Variants in ITFG2 observed in about 807,000 individuals in gnomAD.
The protein encoded by ITFG2 is KICSTOR complex protein ITFG2.
A neutral mutation model predicts 54.4 loss-of-function variants in ITFG2; 36 were observed. The observed-to-expected ratio is 0.66, with a 90% CI of 0.51 to 0.87. The LOEUF (loss-of-function observed/expected upper bound fraction) is 0.87, where lower values mean the gene tolerates loss of function less well. ITFG2 is among the 40% of genes least tolerant of loss of function. The pLI, the probability that ITFG2 is intolerant of heterozygous loss-of-function variation, is 0.00. For missense variants in ITFG2, 524 were observed against 576.7 expected (o/e 0.91, Z 0.94); for synonymous variants, 211 against 225.4 (o/e 0.94, Z 0.57).
Position 2,824,108 on chromosome 12 carries a change from T to G in ITFG2, c.1259T>G (p.Val420Gly). Reference sequence around the variant, plus strand: ...CTCTCAGATCCTGACGACCTCCCTGTGACTCGTGCCCTGCTTCACCAAACG... The same window carrying G: ...CTCTCAGATCCTGACGACCTCCCTGGGACTCGTGCCCTGCTTCACCAAACG... ...ELGVDPDDLP[V>G]TRALLHQTLY... The change falls in exon 12 of 12, where the codon GTG (valine) becomes GGG (glycine). Residue 420 changes from valine (V) to glycine (G), a missense_variant. By Grantham distance (109) the Val-to-Gly change is moderately radical. Transcript: ENST00000228799. 6.2e-7 allele frequency: 1 copy of G among 1,614,110 alleles called. No homozygotes were observed. The highest frequency in any genetic ancestry group is 8.5e-7 in the Non-Finnish European group (1 of 1,180,040).
chr12:2,859,702 C>G (rs372275159), exon 4 of ITFG2: 4 of 1,489,558 alleles, frequency 2.7e-6, no homozygotes, highest in Non-Finnish European at 3.6e-6. Flanking sequence ...CAACGGTCAC[C>G]AGACAGGACG....
Position 2,817,914 on chromosome 12 carries a change from T to A in ITFG2, c.198T>A (p.Thr66=). 2 of 1,613,892 alleles carry A rather than the reference T, an allele frequency of 1.2e-6. No individual in the cohort carries two copies. The highest frequency in any genetic ancestry group is 1.7e-6 in the Non-Finnish European group (2 of 1,179,900). ...CCTCCCTTTCTCTCTTACAGCTGAC[T>A]TGCGTTGGGGTTGGAGACGTGTGTA... ...WLTCSCQGML[T]CVGVGDVCNK... Residue 66 remains threonine, a synonymous_variant, in exon 3 of 12, where the codon ACT becomes ACA. Transcript: ENST00000228799.
chr12:2,821,232 C>T lies in ITFG2; in HGVS notation c.696-30C>T, dbSNP rs1376285534. On this transcript the variant is annotated intron_variant, in intron 6 of 11. Coordinates refer to ENST00000228799, the MANE Select transcript of ITFG2 (RefSeq NM_018463.4). ...TGGAGAGCTCAGCTCACTTGGTCTC[C>T]CGCTTGATCCGTCCACCTGCTGTGC... is the stretch of plus-strand genomic sequence containing the variant. 5.1e-6 allele frequency: 8 copies of T among 1,558,852 alleles called. No individual in the cohort carries two copies. In the South Asian group the frequency reaches 8.1e-5, roughly 16 times the overall value.
chr12:2,855,705 C>G (rs1171083338), intron 2 of ITFG2, among the ~76,000 whole-genome samples: 1 of 152,176 alleles, frequency 6.6e-6, no homozygotes, highest in Non-Finnish European at 1.5e-5. Context: ...TTCCCACCCT[C>G]TGTACTCAGC....
rs74054747 is a variant in ITFG2, at chr12:2,821,242, C to T, written c.696-20C>T. ...AGCTCACTTGGTCTCCCGCTTGATC[C>T]GTCCACCTGCTGTGCACAGGGAGAC... is the stretch of plus-strand genomic sequence containing the variant. On this transcript the variant is annotated intron_variant, in intron 6 of 11. Transcript: ENST00000228799. 4.2e-3 allele frequency: 6,587 copies of T among 1,580,136 alleles called. 179 individuals are homozygous for T. In the African/African-American group the frequency reaches 0.065, roughly 16 times the overall value.
At chr12:2,820,560 G>A (rs1007931158) in intron 5 of ITFG2, among the ~76,000 whole-genome samples, 164 bp from the exon 6 acceptor site, 17 of 151,990 alleles carry the variant, frequency 1.1e-4, no homozygotes, top group African/African-American at 3.9e-4. Context: ...CTGGAAACTC[G>A]AAATCCTTCC....
At chr12:2,835,567 T>C (rs2098025287), upstream of ITFG2, 1 of 152,364 alleles carries the variant, frequency 6.6e-6, no homozygotes, top group African/African-American at 2.4e-5. Flanking sequence ...TTCCAGGGAA[T>C]GACAGGAACA....
chr12:2,833,447 G>T (rs941072189), upstream of ITFG2, among the ~76,000 whole-genome samples: 2 of 152,084 alleles, frequency 1.3e-5, no homozygotes, highest in Admixed American at 6.6e-5. Flanking sequence ...TGGTCCTGGT[G>T]GGGGCAACCC....
downstream of ITFG2, chr12:2,827,162 T>A: frequency 6.2e-7 from 1 of 1,613,298 alleles, no homozygotes; most frequent in Non-Finnish European, 8.5e-7. This position sits in a 1 kb window ranked among gnomAD's most constrained non-coding sequence, Gnocchi z 4.0. Flanking sequence ...ACGCCTCTTC[T>A]TCTAAGGCAA....
downstream of ITFG2, chr12:2,827,472 T>C (rs542999879): frequency 1.0e-6 from 1 of 985,448 alleles, no homozygotes; most frequent in South Asian, 4.7e-5. This position sits in a 1 kb window ranked among gnomAD's most constrained non-coding sequence, Gnocchi z 4.0. Flanking sequence ...TCTTGATTTT[T>C]CACTTGGTGG....
At chr12:2,859,382 G>T (rs1361729286) in intron 3 of ITFG2, 1 of 1,613,982 alleles carries the variant, frequency 6.2e-7, no homozygotes, top group Non-Finnish European at 8.5e-7. Context: ...GCCCACTGTA[G>T]GACTTCTTGG....
chr12:2,818,071 C>G (rs2097927898), intron 3 of ITFG2, 35 bp from the exon 4 acceptor site: 2 of 1,609,600 alleles, frequency 1.2e-6, no homozygotes, highest in African/African-American at 2.7e-5. Flanking sequence ...AACTCCCTCC[C>G]CAGTCCATCT....
upstream of ITFG2, among the ~76,000 whole-genome samples, chr12:2,833,806 A>G (rs536099639): frequency 1.3e-5 from 2 of 152,080 alleles, no homozygotes; most frequent in African/African-American, 2.4e-5. Flanking sequence ...AGCTCTAACA[A>G]CTCTCCCAAC....
At chr12:2,836,129 C>T (rs1208316350), upstream of ITFG2, among the ~76,000 whole-genome samples, 1 of 152,232 alleles carries the variant, frequency 6.6e-6, no homozygotes, top group East Asian at 1.9e-4. Context: ...CTAGAGTATA[C>T]ACCTACACCT....
downstream of ITFG2, chr12:2,827,590 A>G (rs766427725): frequency 2.0e-5 from 33 of 1,613,710 alleles, no homozygotes; most frequent in South Asian, 9.9e-5. This position sits in a 1 kb window ranked among gnomAD's most constrained non-coding sequence, Gnocchi z 4.0. Flanking sequence ...ACTTTTTCCC[A>G]GTGCTTTGGG....
chr12:2,828,495 T>A, downstream of ITFG2: 1 of 1,053,834 alleles, frequency 9.5e-7, no homozygotes, highest in Non-Finnish European at 1.5e-6. Flanking sequence ...CCCAGCCCAT[T>A]GATGATTCCC....
At position 2,839,290 on chromosome 12, in the gene ITFG2, C is replaced by CA. The variant is rs546713714; in HGVS notation, n.147-1543dup. On this transcript the variant is annotated intron_variant and non_coding_transcript_variant, in intron 1 of 3. Transcript: ENST00000537710. The stretch of plus-strand genomic sequence containing the variant: ...TGGGTGACAGGGTGAAACTCCGGCT[C>CA]AAAAAAAAACCAAATAATTAATCAA... Among the ~76,000 whole-genome samples, 87 of 149,490 alleles carry CA rather than the reference C, an allele frequency of 5.8e-4. 2 individuals are homozygous for CA. The South Asian group carries it at 0.012, about 21-fold the overall frequency.
chr12:2,842,101 A>T (rs1316300779), intron 2 of ITFG2, among the ~76,000 whole-genome samples: 2 of 148,388 alleles, frequency 1.3e-5, no homozygotes, highest in Admixed American at 1.4e-4. Flanking sequence ...GTAATAATAA[A>T]AATTAATTTC....
intron 1 of ITFG2, among the ~76,000 whole-genome samples, chr12:2,813,686 C>T (rs528104378): frequency 6.6e-6 from 1 of 152,194 alleles, no homozygotes; most frequent in Admixed American, 6.5e-5. Context: ...CACTGTATTG[C>T]CCCCTTCTAC....
Sources: gnomAD v4.1 joint callset for allele counts (sites outside exome capture counted in the v4.1 genomes callset) on GRCh38, gnomAD v4.1.1 for gene constraint, Gnocchi (gnomAD v3.1) non-coding constraint, MANE v1.5 for transcripts, NCBI Gene and HGNC (gene_info 2026-07-23, HGNC 2026-07-21) for gene names.